Variants in CNTLN observed in about 807,000 individuals in gnomAD.
The protein encoded by CNTLN is centlein, centrosomal protein.
In CNTLN, 212 loss-of-function variants were observed where a neutral mutation model predicts 180.0. The observed-to-expected ratio is 1.18, with a 90% confidence interval of 1.05 to 1.32. The LOEUF (loss-of-function observed/expected upper bound fraction) is 1.32, where lower values mean the gene tolerates loss of function less well. CNTLN is among the 40% of genes most tolerant of loss of function. The probability of loss-of-function intolerance (pLI) is 0.00; values close to 1 mark genes in which losing one functional copy is unlikely to be tolerated. For missense variants in CNTLN, 2,095 were observed against 1,610.9 expected (o/e 1.30, Z -5.14); for synonymous variants, 722 against 563.1 (o/e 1.28, Z -3.99).
chr9:17,354,128 C>T (rs553762689), intron 12 of CNTLN, among the ~76,000 whole-genome samples: 106 of 152,326 alleles, frequency 7.0e-4, no homozygotes, highest in Admixed American at 1.8e-3. Context: ...GCCAGCCCAC[C>T]GGCGCTGCGC....
chr9:17,366,510 C>G, intron 12 of CNTLN, 107 bp from the exon 13 acceptor site: 2 of 491,174 alleles, frequency 4.1e-6, no homozygotes, highest in Admixed American at 3.9e-5. Context: ...ATTAAAATAT[C>G]TTTACTGACT....
the CNTLN span, among the ~76,000 whole-genome samples, chr9:17,519,994 G>A: frequency 1.3e-5 from 2 of 152,206 alleles, no homozygotes; most frequent in Non-Finnish European, 2.9e-5. Context: ...AGAGGAAGAA[G>A]TAAAAGGCAA....
intron 5 of CNTLN, among the ~76,000 whole-genome samples, chr9:17,241,844 C>T (rs911286791): frequency 6.6e-6 from 1 of 151,826 alleles, no homozygotes; most frequent in Non-Finnish European, 1.5e-5. Context: ...TAATTTTTTT[C>T]AGATTGTTTG....
Position 17,394,116 on chromosome 9 carries a change from C to A in CNTLN, c.2080-418C>A, listed in dbSNP as rs530395381. Among the ~76,000 whole-genome samples, 4 of 152,120 alleles carry A rather than the reference C, an allele frequency of 2.6e-5. No homozygotes were observed. In the South Asian group the frequency reaches 8.3e-4, roughly 32 times the overall value. The stretch of plus-strand genomic sequence containing the variant: ...GCCTCAGTAGATTACTTTATATTGT[C>A]ATTCCTTTTTCATATGATTGTCGAA... On this transcript the variant is annotated intron_variant, in intron 14 of 25. Transcript: ENST00000380647.
chr9:17,365,180 G>A (rs1352664148), intron 12 of CNTLN, among the ~76,000 whole-genome samples: 2 of 152,092 alleles, frequency 1.3e-5, no homozygotes, highest in African/African-American at 2.4e-5. Context: ...TCATGTGGGC[G>A]GACTTCCCCC....
chr9:17,269,287 C>T (rs1827762192), intron 5 of CNTLN, among the ~76,000 whole-genome samples: 1 of 151,900 alleles, frequency 6.6e-6, no homozygotes, highest in African/African-American at 2.4e-5. Flanking sequence ...TTTCTTATTT[C>T]CTTTCTTCTG....
At chr9:17,519,060 C>G in the CNTLN span, among the ~76,000 whole-genome samples, 1 of 140,784 alleles carries the variant, frequency 7.1e-6, no homozygotes, top group Non-Finnish European at 1.5e-5. Flanking sequence ...GTAGCTGGGA[C>G]TACAGGTGTG....
chr9:17,292,529 C>A (rs923238412), intron 6 of CNTLN, among the ~76,000 whole-genome samples: 1 of 151,926 alleles, frequency 6.6e-6, no homozygotes, highest in Non-Finnish European at 1.5e-5. Context: ...TCTTGTCTGC[C>A]TTGTCTTATT....
At chr9:17,260,240 A>C (rs1312441191) in intron 5 of CNTLN, among the ~76,000 whole-genome samples, 1 of 149,848 alleles carries the variant, frequency 6.7e-6, no homozygotes, top group Non-Finnish European at 1.5e-5. Context: ...TGTACCCAGT[A>C]GTCATTCAGG....
chr9:17,272,100 C>CCCTG (rs1257243231), intron 5 of CNTLN, among the ~76,000 whole-genome samples: 11 of 130,350 alleles, frequency 8.4e-5, no homozygotes, highest in African/African-American at 2.8e-4. Flanking sequence ...TTCTTTCCCT[C>CCCTG]CCTCCCTCCC....
At chr9:17,335,161 G>C (rs1820921679) in intron 10 of CNTLN, among the ~76,000 whole-genome samples, 1 of 152,082 alleles carries the variant, frequency 6.6e-6, no homozygotes, top group Non-Finnish European at 1.5e-5. Flanking sequence ...ATCCATATTG[G>C]GGTTCATGCT....
the CNTLN span, among the ~76,000 whole-genome samples, chr9:17,523,805 C>T: frequency 6.6e-6 from 1 of 152,062 alleles, no homozygotes; most frequent in Non-Finnish European, 1.5e-5. Flanking sequence ...AGAGGGACCC[C>T]GTAAAGAAGC....
At chr9:17,184,454 A>C (rs920290494) in intron 2 of CNTLN, among the ~76,000 whole-genome samples, 1 of 152,204 alleles carries the variant, frequency 6.6e-6, no homozygotes, top group African/African-American at 2.4e-5. Flanking sequence ...GTTATGCATA[A>C]GATGTTACTT....
downstream of CNTLN, among the ~76,000 whole-genome samples, chr9:17,508,536 A>C (rs1052230023): frequency 6.6e-6 from 1 of 152,138 alleles, no homozygotes; most frequent in Non-Finnish European, 1.5e-5. Flanking sequence ...CATCAGCACA[A>C]AGACTATTCC....
intron 5 of CNTLN, among the ~76,000 whole-genome samples, chr9:17,246,001 G>A (rs1267014041): frequency 6.6e-6 from 1 of 152,008 alleles, no homozygotes; most frequent in African/African-American, 2.4e-5. Context: ...CTGTCTGAAA[G>A]ATCACATATC....
At position 17,468,536 on chromosome 9, in the gene CNTLN, T is replaced by A. The variant is rs191078840; in HGVS notation, c.3855+1645T>A. On this transcript the variant is annotated intron_variant, in intron 23 of 25. Coordinates refer to ENST00000380647, the MANE Select transcript of CNTLN (RefSeq NM_017738.4). ...GAGCTTTTGGCTAAGATATAAAATA[T>A]GAAATATATAATTATGAGATTTATT... 6.6e-5 allele frequency among the ~76,000 whole-genome samples: 10 copies of A among 151,716 alleles called. No individual in the cohort carries two copies. The East Asian group carries it at 1.9e-3, about 29-fold the overall frequency.
At chr9:17,185,233 G>A (rs1821355415) in intron 2 of CNTLN, among the ~76,000 whole-genome samples, 1 of 152,056 alleles carries the variant, frequency 6.6e-6, no homozygotes, top group South Asian at 2.1e-4. Flanking sequence ...TTCCACGGAG[G>A]TTATCAATTT....
chr9:17,202,188 G>A (rs915037563), intron 2 of CNTLN, among the ~76,000 whole-genome samples: 2 of 152,128 alleles, frequency 1.3e-5, no homozygotes, highest in Non-Finnish European at 2.9e-5. Context: ...ATTACACTGT[G>A]GTCTGAGAGA....
intron 8 of CNTLN, among the ~76,000 whole-genome samples, chr9:17,316,084 C>T (rs1389397943): frequency 1.3e-5 from 2 of 151,578 alleles, no homozygotes; most frequent in Non-Finnish European, 3.0e-5. Flanking sequence ...CTCTTTAATT[C>T]TATCAGGTTT....
Sources: allele counts gnomAD v4.1 joint callset (sites outside exome capture counted in the v4.1 genomes callset), GRCh38; gene constraint gnomAD v4.1.1; transcripts MANE v1.5; gene names NCBI Gene and HGNC (gene_info 2026-07-23, HGNC 2026-07-21).